Variants in CLASP1 observed in about 807,000 individuals in gnomAD.
The protein encoded by CLASP1 is CLIP-associating protein 1.
Under a neutral mutation model 192.3 loss-of-function variants are expected in CLASP1, and 38 were observed. That is an observed-to-expected ratio of 0.20 (90% CI 0.15 to 0.26). The LOEUF (loss-of-function observed/expected upper bound fraction) is 0.26, where lower values mean the gene tolerates loss of function less well. Among genes scored for constraint, CLASP1 ranks in the 10% least tolerant of loss-of-function variants. The pLI is 1.00. For synonymous variants in CLASP1, 691 were observed against 712.8 expected, an observed-to-expected ratio of 0.97 and a Z score of 0.49; for missense variants, 1,433 against 1,932.5, an observed-to-expected ratio of 0.74 and a Z score of 4.85.
chr2:121,403,365 AATGAATGGGTGG>A (rs1178834750), intron 26 of CLASP1: 1 of 456,042 alleles, frequency 2.2e-6, no homozygotes, highest in East Asian at 6.9e-5. Flanking sequence ...TGACTGGGTG[AATGAATGGGTGG>A]ATGGATGTTT....
intron 2 of CLASP1, among the ~76,000 whole-genome samples, chr2:121,558,705 T>C (rs1031519828): frequency 6.6e-6 from 1 of 152,114 alleles, no homozygotes; most frequent in Admixed American, 6.6e-5. Flanking sequence ...AAGAAAAAAA[T>C]TCCTTTTTAC....
At chr2:121,380,967 A>G (rs1314208797) in intron 33 of CLASP1, among the ~76,000 whole-genome samples, 1 of 152,172 alleles carries the variant, frequency 6.6e-6, no homozygotes, top group Non-Finnish European at 1.5e-5. Flanking sequence ...ATACAGGTCA[A>G]CATACTGGGA....
intron 2 of CLASP1, 25 bp from the exon 3 acceptor site, chr2:121,530,350 T>C: frequency 1.3e-6 from 2 of 1,537,470 alleles, no homozygotes; most frequent in Non-Finnish European, 1.8e-6. Context: ...ACCGGGAGCC[T>C]GTTAGCAGCC....
chr2:121,629,928 C>CT (rs1182279423), intron 1 of CLASP1, among the ~76,000 whole-genome samples: 29 of 152,038 alleles, frequency 1.9e-4, no homozygotes, highest in African/African-American at 6.5e-4. Context: ...TATGTTTTCC[C>CT]TTTTTTTATT....
chr2:121,430,555 A>G (rs1247812423), intron 19 of CLASP1, among the ~76,000 whole-genome samples: 2 of 152,218 alleles, frequency 1.3e-5, no homozygotes, highest in Non-Finnish European at 2.9e-5. Context: ...AAATCTGACA[A>G]ATTTCCAAAA....
chr2:121,615,217 T>C (rs550099555), intron 1 of CLASP1, among the ~76,000 whole-genome samples: 7 of 152,166 alleles, frequency 4.6e-5, no homozygotes, highest in Non-Finnish European at 8.8e-5. Flanking sequence ...CGCACGCCTG[T>C]AATCCCAGCT....
At chr2:121,406,582 TA>T (rs1175451593) in intron 25 of CLASP1, among the ~76,000 whole-genome samples, 1 of 152,146 alleles carries the variant, frequency 6.6e-6, no homozygotes, top group Non-Finnish European at 1.5e-5. Flanking sequence ...ATGGGGTCTT[TA>T]TTTTTTTATT....
At chr2:121,410,317 A>T (rs889954660) in intron 24 of CLASP1, among the ~76,000 whole-genome samples, 1 of 152,182 alleles carries the variant, frequency 6.6e-6, no homozygotes, top group Non-Finnish European at 1.5e-5. Flanking sequence ...TGTTTTTCAG[A>T]TATTACACTA....
intron 19 of CLASP1, among the ~76,000 whole-genome samples, chr2:121,444,466 G>A (rs11885580): frequency 0.3 from 45,102 of 152,072 alleles, 10,609 homozygotes; most frequent in African/African-American, 0.65. Context: ...TACCTGTTAG[G>A]AAATGTTTAC....
intron 22 of CLASP1, 34 bp from the exon 23 acceptor site, chr2:121,418,763 G>T: frequency 7.0e-7 from 1 of 1,436,720 alleles, no homozygotes; most frequent in Non-Finnish European, 9.8e-7. Flanking sequence ...CAGAGAAGGT[G>T]AACAAGTTTA....
chr2:121,637,584 G>C (rs554334519), intron 1 of CLASP1, among the ~76,000 whole-genome samples: 1 of 152,118 alleles, frequency 6.6e-6, no homozygotes, highest in Non-Finnish European at 1.5e-5. Context: ...TAAACACAAA[G>C]CTTAAAAAAA....
At chr2:121,354,437 G>C (rs1174024137) in intron 37 of CLASP1, among the ~76,000 whole-genome samples, 1 of 152,242 alleles carries the variant, frequency 6.6e-6, no homozygotes, top group African/African-American at 2.4e-5. Flanking sequence ...GCAGGTCTCA[G>C]AGTCTGTGTG....
chr2:121,599,139 A>T (rs1467471742), intron 2 of CLASP1, among the ~76,000 whole-genome samples: 3 of 151,866 alleles, frequency 2.0e-5, no homozygotes, highest in African/African-American at 7.3e-5. Context: ...CTGGGATTAC[A>T]GGCGTGATTC....
chr2:121,626,098 CAAA>C (rs557488865), intron 1 of CLASP1, among the ~76,000 whole-genome samples: 1 of 111,280 alleles, frequency 9.0e-6, no homozygotes, highest in Non-Finnish European at 2.0e-5. Context: ...GACTCCATCT[CAAA>C]AAAAAAAAAA....
intron 34 of CLASP1, among the ~76,000 whole-genome samples, chr2:121,370,419 A>G (rs1208136776): frequency 6.6e-6 from 1 of 152,026 alleles, no homozygotes; most frequent in African/African-American, 2.4e-5. Flanking sequence ...TCCGCCTTCT[A>G]GGTTCAAGCG....
At chr2:121,435,549 C>A (rs186652449) in intron 19 of CLASP1, among the ~76,000 whole-genome samples, 5 of 152,194 alleles carry the variant, frequency 3.3e-5, no homozygotes, top group Non-Finnish European at 5.9e-5. Context: ...GTTGGGATTA[C>A]AGGCGTGAGC....
intron 16 of CLASP1, among the ~76,000 whole-genome samples, 159 bp downstream of exon 16, chr2:121,450,754 A>G (rs565299677): frequency 3.3e-5 from 5 of 152,342 alleles, no homozygotes; most frequent in Admixed American, 6.5e-5. Flanking sequence ...TTATTAAAAA[A>G]AGAGAGAAAT....
At chr2:121,522,990 T>C (rs559356348) in intron 6 of CLASP1, among the ~76,000 whole-genome samples, 1 of 152,264 alleles carries the variant, frequency 6.6e-6, no homozygotes, top group South Asian at 2.1e-4. Context: ...GACCAACAGG[T>C]CACACCAGCA....
intron 6 of CLASP1, among the ~76,000 whole-genome samples, chr2:121,518,304 T>TA: frequency 6.7e-6 from 1 of 149,168 alleles, no homozygotes; most frequent in East Asian, 2.0e-4. Flanking sequence ...ACCCTAAAAT[T>TA]AGAGGATTAG....
Sources: allele counts gnomAD v4.1 joint callset (sites outside exome capture counted in the v4.1 genomes callset), GRCh38; gene constraint gnomAD v4.1.1; transcripts MANE v1.5; gene names NCBI Gene and HGNC (gene_info 2026-07-23, HGNC 2026-07-21).